AKT1: variants seen among roughly 807,000 people sequenced by gnomAD.
AKT1 encodes RAC-alpha serine/threonine-protein kinase.
In AKT1, 21 loss-of-function variants were observed where a neutral mutation model predicts 63.1. The ratio of observed to expected loss-of-function variants is 0.33; its 90% CI spans 0.24 to 0.48. The LOEUF (loss-of-function observed/expected upper bound fraction) is 0.48. Ranked by LOEUF, AKT1 falls within the 20% of genes least tolerant of loss-of-function variation. AKT1 has a pLI of 0.99. For missense variants in AKT1, 382 were observed against 666.0 expected (o/e 0.57, Z 4.69); for synonymous variants, 257 against 253.1 (o/e 1.02, Z -0.15).
rs902230787 is a variant in AKT1 at position 104,770,037 on chromosome 14, T to G, written c.*304A>C. On this transcript the variant is annotated 3_prime_UTR_variant, in exon 15 of 15. Transcript: ENST00000649815. ...CCTGCCCGGCCCCCCAATGCCACAT[T>G]GCGCATAGCTGCAGAAGTCCTTAAC... 2 of 492,358 alleles carry G rather than the reference T, an allele frequency of 4.1e-6. No individual in the cohort carries two copies. The highest frequency in any genetic ancestry group is 2.1e-5 in the South Asian group (1 of 47,634). The allele number at this position is 492,358 out of a possible 1,614,324, so 30.5% of individuals were successfully genotyped here.
At chr14:104,788,557 C>T (rs1270109733) in intron 3 of AKT1, among the ~76,000 whole-genome samples, 3 of 152,188 alleles carry the variant, frequency 2.0e-5, no homozygotes, top group Admixed American at 6.5e-5. Context: ...CACGCAGGGA[C>T]CCCAGGACCA....
intron 3 of AKT1, among the ~76,000 whole-genome samples, chr14:104,787,334 C>T (rs903863719): frequency 6.6e-6 from 1 of 152,136 alleles, no homozygotes; most frequent in Non-Finnish European, 1.5e-5. Context: ...CTGCCCGGGG[C>T]CCCAGCGCTG....
chr14:104,775,048 C>T (rs374747304), intron 7 of AKT1, 28 bp downstream of exon 7: 106 of 1,613,408 alleles, frequency 6.6e-5, no homozygotes, highest in African/African-American at 5.5e-4. Context: ...ACCCTCATCT[C>T]CACCCTGCCC....
At chr14:104,789,499 C>T (rs1283062714) in intron 3 of AKT1, among the ~76,000 whole-genome samples, 4 of 152,202 alleles carry the variant, frequency 2.6e-5, no homozygotes, top group Admixed American at 6.5e-5. Flanking sequence ...AAGCCTGGCA[C>T]GGAGCTATCA....
At chr14:104,774,005 G>T (rs373287251) in intron 8 of AKT1, 25 bp from the exon 9 acceptor site, 1 of 1,606,052 alleles carries the variant, frequency 6.2e-7, no homozygotes, top group African/African-American at 1.3e-5. Context: ...AGCTGGAACT[G>T]CGGCCCCACA....
At position 104,773,723 on chromosome 14, in the gene AKT1, C is replaced by G. The variant is rs1282052039; in HGVS notation, c.703-143G>C. ...GAGGGCACGGGGGCCTGGAAAGTCT[C>G]AGAAGCCCTAACTCAGCAGGAACAA... is the stretch of plus-strand genomic sequence containing the variant. On this transcript the variant is annotated intron_variant, in intron 9 of 14. Transcript: ENST00000649815. 8 of 1,338,238 alleles carry G rather than the reference C, an allele frequency of 6.0e-6. No homozygotes were observed. The Admixed American group carries it at 1.7e-4, about 28-fold the overall frequency. The allele number at this position is 1,338,238 out of a possible 1,614,324, so 82.9% of individuals were successfully genotyped here. A position where few individuals can be genotyped will look rare whatever the true frequency, so the allele number is the denominator to read the frequency against.
At chr14:104,772,298 C>T (rs995302450) in intron 13 of AKT1, 67 bp downstream of exon 13, 32 of 1,542,322 alleles carry the variant, frequency 2.1e-5, no homozygotes, top group Non-Finnish European at 2.6e-5. Flanking sequence ...GAGCGTGCCA[C>T]GTGCATGCGT....
chr14:104,787,288 C>T (rs971031910), intron 3 of AKT1, among the ~76,000 whole-genome samples: 2 of 152,154 alleles, frequency 1.3e-5, no homozygotes, highest in Non-Finnish European at 2.9e-5. Context: ...CCTAACAGCC[C>T]CATCCTGGCC....
rs1595256683 is a variant in AKT1, at chr14:104,784,746, T to C, written c.47-4530A>G. Reference sequence around the variant, plus strand: ...CACACACGTGTCCCAGGCCACACTGTGGGTCAGGCCCCCCAAAGCGGCACC... The same window carrying C: ...CACACACGTGTCCCAGGCCACACTGCGGGTCAGGCCCCCCAAAGCGGCACC... On this transcript the variant is annotated intron_variant, in intron 3 of 14. Coordinates refer to ENST00000649815, the MANE Select transcript of AKT1 (RefSeq NM_001382430.1). Among the ~76,000 whole-genome samples, 8 of 152,128 alleles carry C rather than the reference T, an allele frequency of 5.3e-5. No homozygotes were observed. The South Asian group carries it at 1.7e-3, about 32-fold the overall frequency.
chr14:104,770,100 G>A lies in AKT1; in HGVS notation c.*241C>T. Reference sequence around the variant, plus strand: ...GAATCGGATTGTTCTGAGGGCTGAGGCCACACCCGGAGAACAAACTGGATG... The same window carrying A: ...GAATCGGATTGTTCTGAGGGCTGAGACCACACCCGGAGAACAAACTGGATG... On this transcript the variant is annotated 3_prime_UTR_variant, in exon 15 of 15. Coordinates refer to ENST00000649815, the MANE Select transcript of AKT1 (RefSeq NM_001382430.1). 1 of 584,664 alleles carries A rather than the reference G, an allele frequency of 1.7e-6. No homozygotes were observed. The highest frequency in any genetic ancestry group is 2.0e-5 in the South Asian group (1 of 50,772). The allele number at this position is 584,664 out of a possible 1,614,324, so 36.2% of individuals were successfully genotyped here.
chr14:104,777,162 T>C, intron 4 of AKT1: 1 of 235,034 alleles, frequency 4.3e-6, no homozygotes, highest in Non-Finnish European at 8.5e-6. Context: ...TTGTCCCACC[T>C]AGTGTAGAAA....
rs370987171 is a variant in AKT1 at position 104,770,317 on chromosome 14, C to G, written c.*24G>C. 6.3e-7 allele frequency: 1 copy of G among 1,599,730 alleles called. No homozygotes were observed. Among genetic ancestry groups the G allele is most frequent in the South Asian group, 1.1e-5 (1 of 88,996 alleles). On this transcript the variant is annotated 3_prime_UTR_variant, in exon 15 of 15. Transcript: ENST00000649815. ...CCGCCTCTCCATCCCTCCAAGCTAT[C>G]GTCCAGCGCAGTCCACCGCCGCCTC...
intron 2 of AKT1, 133 bp from the exon 3 acceptor site, chr14:104,792,855 T>A (rs955626132): frequency 6.4e-6 from 4 of 629,146 alleles, no homozygotes; most frequent in East Asian, 2.7e-5. Context: ...TGGGCTGCCA[T>A]CCCTCTAAGC....
intron 4 of AKT1, 22 bp downstream of exon 4, chr14:104,780,066 G>T (rs758839588): frequency 3.1e-6 from 5 of 1,609,950 alleles, no homozygotes; most frequent in Non-Finnish European, 4.2e-6. Flanking sequence ...TCTGAATCCC[G>T]AGAGGCCAAG....
intron 14 of AKT1, 139 bp downstream of exon 14, chr14:104,770,606 G>T: frequency 2.1e-6 from 2 of 957,876 alleles, no homozygotes; most frequent in Non-Finnish European, 3.1e-6. Context: ...CTCCCACCCT[G>T]ATCATTGGCA....
chr14:104,775,885 C>T (rs1028853546), intron 5 of AKT1, 86 bp from the exon 6 acceptor site: 7 of 1,513,662 alleles, frequency 4.6e-6, no homozygotes, highest in East Asian at 2.4e-5. Flanking sequence ...GCCTCACAAG[C>T]GTGGTTCCAC....
chr14:104,773,154 A>G (rs981118779), intron 11 of AKT1, 62 bp from the exon 12 acceptor site: 4 of 1,609,460 alleles, frequency 2.5e-6, no homozygotes, highest in Non-Finnish European at 3.4e-6. Flanking sequence ...CTGCCGGGGG[A>G]GGTGTGACGT....
At chr14:104,777,389 C>T (rs542970575) in intron 4 of AKT1, 38 of 231,382 alleles carry the variant, frequency 1.6e-4, no homozygotes, top group African/African-American at 9.6e-4. Context: ...GGGGCACACG[C>T]ACACCTGAGG....
chr14:104,784,228 C>T (rs1893218682), intron 3 of AKT1, among the ~76,000 whole-genome samples: 1 of 152,200 alleles, frequency 6.6e-6, no homozygotes, highest in Admixed American at 6.5e-5. Context: ...AACCCTGTGA[C>T]ACTGCACCTA....
Sources: gnomAD v4.1 joint callset for allele counts (sites outside exome capture counted in the v4.1 genomes callset) on GRCh38, gnomAD v4.1.1 for gene constraint, MANE v1.5 for transcripts, NCBI Gene and HGNC (gene_info 2026-07-23, HGNC 2026-07-21) for gene names.